PITRM1: variants seen among roughly 807,000 people sequenced by gnomAD.
The protein encoded by PITRM1 is presequence protease, mitochondrial.
Under a neutral mutation model 129.9 loss-of-function variants are expected in PITRM1, and 100 were observed. The observed-to-expected ratio is 0.77, with a 90% CI of 0.65 to 0.91. PITRM1 has a LOEUF of 0.91. Ranked by LOEUF, PITRM1 falls within the 40% of genes least tolerant of loss-of-function variation. The pLI is 0.00. For missense variants in PITRM1, 1,471 were observed against 1,318.3 expected (o/e 1.12, Z -1.79); for synonymous variants, 591 against 508.8 (o/e 1.16, Z -2.17).
At chr10:3,138,211 C>G in intron 26 of PITRM1, 24 bp downstream of exon 26, 1 of 1,598,414 alleles carries the variant, frequency 6.3e-7, no homozygotes, top group Non-Finnish European at 8.6e-7. Context: ...GTCCCAGACG[C>G]TGTCTCCCCC....
chr10:3,165,420 C>T lies in PITRM1; in HGVS notation c.526G>A (p.Asp176Asn). Residue 176 changes from aspartate to asparagine, a missense_variant, in exon 5 of 27, where the codon GAT (aspartate) becomes AAT (asparagine). By Grantham distance (23) the Asp-to-Asn change is conservative. Transcript: ENST00000224949. ...ATFFPCLREL[D>N]FWQEGWRLEH... ...TAATCATTCATGACATACCAGAAAT[C>T]CAGCTCGCGTAAACATGGGAAAAAG... The T allele has an allele frequency of 1.9e-6, 3 of 1,612,164 alleles. No homozygotes were observed. The highest frequency in any genetic ancestry group is 1.1e-5 in the South Asian group (1 of 90,638).
At chr10:3,155,396 C>A (rs1432919247) in intron 14 of PITRM1, among the ~76,000 whole-genome samples, 195 bp downstream of exon 14, 2 of 152,204 alleles carry the variant, frequency 1.3e-5, no homozygotes, top group Non-Finnish European at 2.9e-5. Context: ...TCAATGACTC[C>A]TGCGTTTCCT....
intron 20 of PITRM1, 63 bp downstream of exon 20, chr10:3,147,087 T>C (rs1564397272): frequency 1.1e-6 from 1 of 879,060 alleles, no homozygotes; most frequent in African/African-American, 1.7e-5. Flanking sequence ...AAGTAAGAAA[T>C]ACCTAAAAAC....
chr10:3,147,300 C>A, intron 19 of PITRM1, 50 bp from the exon 20 acceptor site: 2 of 1,347,878 alleles, frequency 1.5e-6, no homozygotes, highest in Non-Finnish European at 2.1e-6. Context: ...ACAACAGACC[C>A]GCTGAGTCTG....
chr10:3,171,668 A>G (rs1416953154), intron 1 of PITRM1, among the ~76,000 whole-genome samples: 1 of 152,166 alleles, frequency 6.6e-6, no homozygotes, highest in Non-Finnish European at 1.5e-5. Context: ...TGAACTCCTG[A>G]CCTCAAGTGG....
intron 14 of PITRM1, among the ~76,000 whole-genome samples, chr10:3,154,075 C>T (rs61104628): frequency 0.062 from 9,407 of 152,296 alleles, 535 homozygotes; most frequent in East Asian, 0.3. Flanking sequence ...AGCAGCTTCT[C>T]ATCTGCTCTC....
rs1274898949 is a variant in PITRM1 at position 3,160,760 on chromosome 10, T to C, written c.792-430A>G. Reference sequence around the variant, plus strand: ...ACTACACCACCACACTTGGTTTTGGTGGGGGGTTTTTTTTTTTGAGATGGA... The same window carrying C: ...ACTACACCACCACACTTGGTTTTGGCGGGGGGTTTTTTTTTTTGAGATGGA... On this transcript the variant is annotated intron_variant, in intron 7 of 26. Coordinates refer to ENST00000224949, the MANE Select transcript of PITRM1 (RefSeq NM_014889.4). Among the ~76,000 whole-genome samples, 17 of 143,544 alleles carry C rather than the reference T, an allele frequency of 1.2e-4. 1 individual carries two copies. The highest frequency in any genetic ancestry group is 6.2e-4 in the Admixed American group (9 of 14,456). The allele number at this position is 143,544 out of a possible 152,430, so 94.2% of individuals were successfully genotyped here.
At chr10:3,167,082 A>C in intron 2 of PITRM1, 40 bp from the exon 3 acceptor site, 1 of 1,252,976 alleles carries the variant, frequency 8.0e-7, no homozygotes. Context: ...AAACTTAGAC[A>C]AAATGGCCTT....
rs1369793710 is a variant in PITRM1, at chr10:3,140,724, G to GT, written c.2733dup (p.Leu912ThrfsTer32). The GT allele has an allele frequency of 9.4e-6, 15 of 1,598,212 alleles. No homozygotes were observed. The highest frequency in any genetic ancestry group is 1.3e-5 in the Non-Finnish European group (15 of 1,171,936). ...AGGGTGAAAATCCCATTGTGGCTGAGTTTTGCGCCTCCACCATAAGCACCG... is the reference window on the plus strand; with the variant it reads ...AGGGTGAAAATCCCATTGTGGCTGAGTTTTTGCGCCTCCACCATAAGCACCG... On this transcript the variant is annotated frameshift_variant, in exon 24 of 27. Transcript: ENST00000224949. LOFTEE classifies it high-confidence loss of function.
intron 15 of PITRM1, among the ~76,000 whole-genome samples, chr10:3,150,361 A>AG (rs1841387792): frequency 1.3e-5 from 2 of 152,240 alleles, no homozygotes; most frequent in African/African-American, 4.8e-5. Flanking sequence ...CAGGGTTAAC[A>AG]GATCAGAGAG....
rs748758468 is a variant in PITRM1 at position 3,148,018 on chromosome 10, T to A, written c.2038A>T (p.Met680Leu). ...AATATTTCACTCCATAGCTGCATCA[T>A]GTCTGGCAGGTTTCGATCCAGGCAG... Reference protein sequence around the residue: ...SLCLDRNLPDMMQLWSEIFNN... With the variant: ...SLCLDRNLPDLMQLWSEIFNN... Residue 680 changes from methionine to leucine, a missense_variant, in exon 18 of 27, where the codon ATG becomes TTG. Coordinates refer to ENST00000224949, the MANE Select transcript of PITRM1 (RefSeq NM_014889.4). 1 of 1,613,712 alleles carries A rather than the reference T, an allele frequency of 6.2e-7. No homozygotes were observed.
At chr10:3,143,853 T>C (rs1401311911) in intron 22 of PITRM1, 8 of 555,452 alleles carry the variant, frequency 1.4e-5, no homozygotes, top group Middle Eastern at 2.8e-4. Context: ...TATTATATCA[T>C]AGGAATGTGT....
At chr10:3,149,339 C>T (rs528216753) in intron 16 of PITRM1, 378 of 270,906 alleles carry the variant, frequency 1.4e-3, no homozygotes, top group African/African-American at 7.4e-3. Flanking sequence ...CTTACATTTT[C>T]GGATTAAACC....
intron 14 of PITRM1, among the ~76,000 whole-genome samples, chr10:3,154,967 A>G (rs1841854013): frequency 1.3e-5 from 2 of 151,728 alleles, no homozygotes; most frequent in Admixed American, 6.6e-5. Flanking sequence ...CAATTTCTCT[A>G]TTTTTCTGCA....
intron 10 of PITRM1, 144 bp downstream of exon 10, chr10:3,158,770 C>T (rs1017581607): frequency 2.9e-5 from 21 of 724,314 alleles, no homozygotes; most frequent in East Asian, 5.5e-5. Flanking sequence ...CTTCCTGGTC[C>T]GCCATCTTCC....
intron 15 of PITRM1, 33 bp downstream of exon 15, chr10:3,151,214 G>A (rs1179424668): frequency 1.3e-5 from 16 of 1,220,570 alleles, no homozygotes; most frequent in South Asian, 6.4e-5. Context: ...CAAGGAACCC[G>A]AGACCCGGGA....
chr10:3,172,750 T>G lies in PITRM1; in HGVS notation c.23A>C (p.Gln8Pro), dbSNP rs11818724. MWRCGGRQGLCVLRRLSG... is the reference protein window; with the variant it reads MWRCGGRPGLCVLRRLSG... ...CAGCCGCCTCAGCACACACAGGCCC[T>G]GCCGCCCGCCGCAGCGCCACATTGC... Residue 8 changes from glutamine to proline, a missense_variant, in exon 1 of 27, where the codon CAG (glutamine) becomes CCG (proline). Coordinates refer to ENST00000224949, the MANE Select transcript of PITRM1 (RefSeq NM_014889.4). The G allele has an allele frequency of 5.8e-5, 89 of 1,545,176 alleles. No individual in the cohort carries two copies. The highest frequency in any genetic ancestry group is 2.3e-4 in the South Asian group (19 of 83,690).
At chr10:3,166,680 A>T (rs1564435507) in intron 3 of PITRM1, among the ~76,000 whole-genome samples, 2 of 152,234 alleles carry the variant, frequency 1.3e-5, no homozygotes, top group Non-Finnish European at 2.9e-5. Context: ...AAGCTTGTCC[A>T]ACCCGCAGCC....
intron 12 of PITRM1, 47 bp from the exon 13 acceptor site, chr10:3,157,111 C>A (rs752139418): frequency 1.3e-6 from 2 of 1,541,320 alleles, no homozygotes; most frequent in Non-Finnish European, 1.8e-6. Flanking sequence ...TACCACAGTA[C>A]AACCTCCACC....
Sources: allele counts gnomAD v4.1 joint callset (sites outside exome capture counted in the v4.1 genomes callset), GRCh38; gene constraint gnomAD v4.1.1; transcripts MANE v1.5; gene names NCBI Gene and HGNC (gene_info 2026-07-23, HGNC 2026-07-21).